CADM2: variants seen among roughly 807,000 people sequenced by gnomAD.
The protein encoded by CADM2 is immunoglobulin superfamily member 4D.
In CADM2, 12 loss-of-function variants were observed where a neutral mutation model predicts 49.8. That is an observed-to-expected ratio of 0.24 (90% CI 0.15 to 0.39). The LOEUF (loss-of-function observed/expected upper bound fraction) is 0.39. Among genes scored for constraint, CADM2 ranks in the 10% least tolerant of loss-of-function variants. CADM2 has a pLI of 1.00. For missense variants in CADM2, 378 were observed against 492.3 expected, an observed-to-expected ratio of 0.77 and a Z score of 2.20; for synonymous variants, 214 against 175.4, an observed-to-expected ratio of 1.22 and a Z score of -1.74.
intron 1 of CADM2, among the ~76,000 whole-genome samples, chr3:85,528,927 G>T (rs55939743): frequency 1.3e-5 from 2 of 151,960 alleles, no homozygotes; most frequent in South Asian, 2.1e-4. Flanking sequence ...TTCTCTTTTT[G>T]ATAGAAAGAG....
chr3:85,014,102 A>G (rs1187262002), intron 1 of CADM2, among the ~76,000 whole-genome samples: 1 of 147,098 alleles, frequency 6.8e-6, no homozygotes, highest in East Asian at 2.0e-4. Context: ...AAAATTGTAT[A>G]TTATATATAC....
chr3:85,389,858 G>C (rs1424049193), intron 1 of CADM2, among the ~76,000 whole-genome samples: 1 of 152,052 alleles, frequency 6.6e-6, no homozygotes, highest in Admixed American at 6.6e-5. Context: ...GACAATAAAT[G>C]CTTAATGTGT....
At chr3:86,001,086 T>G (rs1176840015) in intron 8 of CADM2, among the ~76,000 whole-genome samples, 1 of 152,056 alleles carries the variant, frequency 6.6e-6, no homozygotes, top group Non-Finnish European at 1.5e-5. Flanking sequence ...AAATTCACAG[T>G]TTTTGTGATT....
chr3:84,962,450 T>C (rs1295263900), intron 1 of CADM2, among the ~76,000 whole-genome samples: 1 of 152,152 alleles, frequency 6.6e-6, no homozygotes, highest in East Asian at 1.9e-4. Context: ...TAGGCTTGGC[T>C]GAGAACATTG....
At chr3:85,731,614 T>C (rs185457038) in intron 2 of CADM2, among the ~76,000 whole-genome samples, 5 of 152,306 alleles carry the variant, frequency 3.3e-5, no homozygotes, top group South Asian at 2.1e-4. Flanking sequence ...TAAGTTTCAC[T>C]ATATTTCCTC....
At chr3:85,539,886 C>T (rs781197380) in intron 1 of CADM2, among the ~76,000 whole-genome samples, 12 of 151,994 alleles carry the variant, frequency 7.9e-5, no homozygotes, top group Non-Finnish European at 1.6e-4. Flanking sequence ...TTTGAATTGC[C>T]TCTGTGACTG....
At chr3:85,851,802 A>G (rs944498489) in intron 3 of CADM2, among the ~76,000 whole-genome samples, 2 of 151,868 alleles carry the variant, frequency 1.3e-5, no homozygotes, top group African/African-American at 2.4e-5. Context: ...AGATCTATGT[A>G]TATAAGAAAT....
intron 8 of CADM2, among the ~76,000 whole-genome samples, chr3:86,023,554 C>A (rs972479620): frequency 8.5e-5 from 13 of 152,132 alleles, no homozygotes; most frequent in African/African-American, 3.1e-4. Context: ...GACGGGGTTT[C>A]TCCATGTTGG....
At chr3:85,460,419 A>G (rs2038191129) in intron 1 of CADM2, among the ~76,000 whole-genome samples, 1 of 152,166 alleles carries the variant, frequency 6.6e-6, no homozygotes, top group Non-Finnish European at 1.5e-5. Flanking sequence ...TTATTGATCT[A>G]TAATTAAAAG....
At chr3:85,338,447 A>G (rs1043164233) in intron 1 of CADM2, among the ~76,000 whole-genome samples, 1 of 151,484 alleles carries the variant, frequency 6.6e-6, no homozygotes, top group Non-Finnish European at 1.5e-5. Context: ...TAATCTGTGC[A>G]ATAGCCCCGA....
At position 84,959,763 on chromosome 3, in the gene CADM2, C is replaced by T; in HGVS notation, c.61+95C>T. On this transcript the variant is annotated intron_variant, in intron 1 of 9. Transcript: ENST00000383699. Reference sequence around the variant, plus strand: ...ATTTCCACTCTCCCCTCCCAGTCTCCCTGTCCCCAGCGATTTCCACCCCCT... The same window carrying T: ...ATTTCCACTCTCCCCTCCCAGTCTCTCTGTCCCCAGCGATTTCCACCCCCT... 7 of 1,217,114 alleles carry T rather than the reference C, an allele frequency of 5.8e-6. No homozygotes were observed. The South Asian group carries it at 7.9e-5, about 14-fold the overall frequency. 75.4% of individuals were successfully genotyped at this position (1,217,114 alleles called of 1,614,324 possible).
At chr3:85,865,060 G>T (rs1394090595) in intron 3 of CADM2, among the ~76,000 whole-genome samples, 1 of 152,216 alleles carries the variant, frequency 6.6e-6, no homozygotes, top group Non-Finnish European at 1.5e-5. Flanking sequence ...TAGAGAGGCA[G>T]TTTGGTCAGT....
intron 1 of CADM2, among the ~76,000 whole-genome samples, chr3:85,719,266 C>T (rs181399095): frequency 4.9e-4 from 74 of 152,142 alleles, no homozygotes; most frequent in African/African-American, 1.7e-3. Context: ...GGGTAGCCAA[C>T]GCTGAACTAT....
At chr3:86,015,944 A>G (rs188018446) in intron 8 of CADM2, among the ~76,000 whole-genome samples, 1 of 152,322 alleles carries the variant, frequency 6.6e-6, no homozygotes. Context: ...TTTATCTAGA[A>G]AACTATGGAA....
intron 2 of CADM2, among the ~76,000 whole-genome samples, chr3:85,791,786 C>T (rs997622152): frequency 6.6e-6 from 1 of 152,052 alleles, no homozygotes; most frequent in Admixed American, 6.6e-5. Context: ...TACAGTGGCA[C>T]GAACTTGGCT....
At chr3:85,807,890 AT>A (rs550925359) in intron 3 of CADM2, among the ~76,000 whole-genome samples, 245 of 151,704 alleles carry the variant, frequency 1.6e-3, no homozygotes, top group African/African-American at 5.6e-3. Context: ...TCAATAAATG[AT>A]TTTTTTTTAC....
intron 1 of CADM2, among the ~76,000 whole-genome samples, chr3:85,545,212 T>C (rs1559900470): frequency 6.6e-6 from 1 of 152,174 alleles, no homozygotes; most frequent in Non-Finnish European, 1.5e-5. Context: ...CTTAAACCTA[T>C]GACTACAGGA....
chr3:85,898,955 ATTTTTTTTT>A (rs35857247), intron 5 of CADM2, among the ~76,000 whole-genome samples: 9 of 33,902 alleles, frequency 2.7e-4, no homozygotes, highest in Non-Finnish European at 4.3e-4. Flanking sequence ...ATATATATAT[ATTTTTTTTT>A]TTTTTTTTTT....
intron 8 of CADM2, among the ~76,000 whole-genome samples, chr3:86,047,429 C>T (rs1357764221): frequency 3.3e-5 from 5 of 152,052 alleles, no homozygotes; most frequent in Non-Finnish European, 7.4e-5. Context: ...TTACACTGGA[C>T]CTTTGATTCA....
Sources: allele counts gnomAD v4.1 joint callset (sites outside exome capture counted in the v4.1 genomes callset), GRCh38; gene constraint gnomAD v4.1.1; transcripts MANE v1.5; gene names NCBI Gene and HGNC (gene_info 2026-07-23, HGNC 2026-07-21).